The following MAP4K4 variants were observed in gnomAD, a reference collection of about 807,000 sequenced individuals.
The protein encoded by MAP4K4 is mitogen-activated protein kinase kinase kinase kinase 4.
Under a neutral mutation model 189.6 loss-of-function variants are expected in MAP4K4, and 38 were observed. That is an observed-to-expected ratio of 0.20 (90% CI 0.15 to 0.26). The LOEUF (loss-of-function observed/expected upper bound fraction) is 0.26, where lower values mean the gene tolerates loss of function less well. MAP4K4 is among the 10% of genes least tolerant of loss of function. MAP4K4 has a pLI of 1.00. For missense variants in MAP4K4, 1,054 were observed against 1,726.9 expected (o/e 0.61, Z 6.91); for synonymous variants, 610 against 624.3 (o/e 0.98, Z 0.34).
At chr2:101,739,719 A>G (rs1050388638) in intron 2 of MAP4K4, among the ~76,000 whole-genome samples, 8 of 152,180 alleles carry the variant, frequency 5.3e-5, no homozygotes, top group Non-Finnish European at 1.5e-5. Context: ...TTTAAATTCA[A>G]CTCCAGAAAT....
At chr2:101,834,287 T>C in intron 7 of MAP4K4, 122 bp from the exon 8 acceptor site, 1 of 549,804 alleles carries the variant, frequency 1.8e-6, no homozygotes, top group Non-Finnish European at 3.4e-6. Context: ...GTGCTTGTAC[T>C]TTTAATTTTC....
intron 12 of MAP4K4, among the ~76,000 whole-genome samples, chr2:101,847,407 C>T (rs1334040689): frequency 6.6e-6 from 1 of 152,166 alleles, no homozygotes; most frequent in African/African-American, 2.4e-5. Context: ...GCATTGTGAT[C>T]ATAGGAGATG....
intron 2 of MAP4K4, among the ~76,000 whole-genome samples, chr2:101,780,010 T>A (rs1254894460): frequency 6.6e-5 from 10 of 152,214 alleles, no homozygotes; most frequent in Non-Finnish European, 1.5e-4. Flanking sequence ...AGAAGTAGTT[T>A]AGGTTCACAA....
At chr2:101,786,123 C>A (rs79739248) in intron 2 of MAP4K4, among the ~76,000 whole-genome samples, 1 of 152,074 alleles carries the variant, frequency 6.6e-6, no homozygotes, top group African/African-American at 2.4e-5. Context: ...TTGCACCCGG[C>A]CGGCATCTTT....
intron 5 of MAP4K4, among the ~76,000 whole-genome samples, chr2:101,826,632 G>A (rs1039013366): frequency 1.3e-5 from 2 of 152,148 alleles, no homozygotes; most frequent in African/African-American, 4.8e-5. Flanking sequence ...TGGTAGGCAG[G>A]ATAGAACATT....
intron 26 of MAP4K4, among the ~76,000 whole-genome samples, 169 bp downstream of exon 26, chr2:101,874,421 A>C (rs146200569): frequency 2.4e-3 from 369 of 152,338 alleles, no homozygotes; most frequent in African/African-American, 8.5e-3. Flanking sequence ...GGTGTGGCAC[A>C]TGTATATGAT....
intron 2 of MAP4K4, among the ~76,000 whole-genome samples, chr2:101,765,778 T>C (rs1259868593): frequency 6.6e-6 from 1 of 152,232 alleles, no homozygotes; most frequent in East Asian, 1.9e-4. Context: ...TTGGGAACAT[T>C]CCTTTTACTT....
intron 9 of MAP4K4, among the ~76,000 whole-genome samples, chr2:101,837,622 A>G (rs1426278846): frequency 1.3e-5 from 2 of 152,134 alleles, no homozygotes; most frequent in Non-Finnish European, 2.9e-5. Context: ...AGCTGATGTC[A>G]CCAAGGAATC....
chr2:101,888,483 G>A (rs540142327), intron 31 of MAP4K4, among the ~76,000 whole-genome samples: 10 of 151,944 alleles, frequency 6.6e-5, no homozygotes, highest in East Asian at 1.9e-4. Flanking sequence ...CTTCCCTGCC[G>A]TCTCTCATGA....
intron 3 of MAP4K4, among the ~76,000 whole-genome samples, chr2:101,793,665 C>T (rs926422141): frequency 1.3e-5 from 2 of 150,026 alleles, no homozygotes; most frequent in African/African-American, 2.5e-5. Context: ...TTGGTTCTGA[C>T]TCTTTAGGTG....
chr2:101,809,548 CTTAGAAAAGGCCTGATGACT>C (rs1055517887), intron 3 of MAP4K4, among the ~76,000 whole-genome samples: 11 of 152,292 alleles, frequency 7.2e-5, no homozygotes, highest in African/African-American at 2.2e-4. Flanking sequence ...CAGCATATTA[CTTAGAAAAGGCCTGATGACT>C]TTAGAAAAGG....
chr2:101,873,834 C>T (rs1357737302), intron 25 of MAP4K4, 70 bp downstream of exon 25: 1 of 1,164,870 alleles, frequency 8.6e-7, no homozygotes, highest in African/African-American at 1.5e-5. Context: ...TTTTGGGTGG[C>T]TTAGGTGTAG....
At chr2:101,823,696 G>C (rs1388358981) in intron 3 of MAP4K4, among the ~76,000 whole-genome samples, 4 of 152,078 alleles carry the variant, frequency 2.6e-5, no homozygotes, top group East Asian at 1.9e-4. Flanking sequence ...CTATCCCTGC[G>C]GCTCTCCGTG....
At chr2:101,869,664 G>A (rs1161306865) in exon 22 of MAP4K4, 1 of 1,609,886 alleles carries the variant, frequency 6.2e-7, no homozygotes, top group Admixed American at 1.7e-5. Flanking sequence ...AGTGGAAGAT[G>A]TACGGCCACC....
chr2:101,722,723 A>AT (rs1228929808), intron 2 of MAP4K4, among the ~76,000 whole-genome samples: 10 of 152,288 alleles, frequency 6.6e-5, no homozygotes, highest in African/African-American at 2.4e-4. Context: ...TTTCTAAAGG[A>AT]TACCTGTGTT....
Position 101,825,993 on chromosome 2 carries a change from A to G in MAP4K4, c.417+564A>G, listed in dbSNP as rs184624984. ...TTTTAAATGGTTCTTTTGAGTAGTA[A>G]AGCCATATTGACAGCACAGGCAGAG... On this transcript the variant is annotated intron_variant, in intron 5 of 32. Coordinates refer to ENST00000324219, the Ensembl canonical transcript of MAP4K4. 2.3e-3 allele frequency among the ~76,000 whole-genome samples: 348 copies of G among 152,328 alleles called. 2 individuals carry two copies. The highest frequency in any genetic ancestry group is 7.7e-3 in the African/African-American group (322 of 41,568).
chr2:101,706,328 G>A (rs1414947060), intron 2 of MAP4K4, among the ~76,000 whole-genome samples: 1 of 152,138 alleles, frequency 6.6e-6, no homozygotes, highest in Non-Finnish European at 1.5e-5. Flanking sequence ...TATACTTGCT[G>A]CCTCCCTTAA....
chr2:101,728,980 A>C (rs541256871), intron 2 of MAP4K4, among the ~76,000 whole-genome samples: 1 of 152,334 alleles, frequency 6.6e-6, no homozygotes, highest in East Asian at 1.9e-4. Flanking sequence ...AGTGTTGCAC[A>C]AATGTTCAGT....
chr2:101,875,405 C>G (rs901828869), intron 26 of MAP4K4, among the ~76,000 whole-genome samples: 3 of 151,594 alleles, frequency 2.0e-5, no homozygotes, highest in Admixed American at 2.0e-4. Flanking sequence ...GTCACTATGC[C>G]CACAAGCATT....
Sources: allele counts gnomAD v4.1 joint callset (sites outside exome capture counted in the v4.1 genomes callset), GRCh38; gene constraint gnomAD v4.1.1; transcripts MANE v1.5; gene names NCBI Gene and HGNC (gene_info 2026-07-23, HGNC 2026-07-21).